HPSE2: variants seen among roughly 807,000 people sequenced by gnomAD.
HPSE2 encodes inactive heparanase-2.
Under a neutral mutation model 60.5 loss-of-function variants are expected in HPSE2, and 38 were observed. That is an observed-to-expected ratio of 0.63 (90% confidence interval 0.48 to 0.82). HPSE2 has a LOEUF of 0.82. Ranked by LOEUF, HPSE2 falls within the 40% of genes least tolerant of loss-of-function variation. The pLI, the probability that HPSE2 is intolerant of heterozygous loss-of-function variation, is 0.00. For synonymous variants in HPSE2, 295 were observed against 293.2 expected, an observed-to-expected ratio of 1.01 and a Z score of -0.06; for missense variants, 713 against 740.4, an observed-to-expected ratio of 0.96 and a Z score of 0.43.
At position 98,474,705 on chromosome 10, in the gene HPSE2, A is replaced by G. The variant is rs376814385; in HGVS notation, c.1613+7931T>C. ...GGCAATAAGATTTTTGGTTCATAGG[A>G]GCCTTGAGATTTTTTTCAGCTAAAG... On this transcript the variant is annotated intron_variant, in intron 11 of 11. Coordinates refer to ENST00000370552, the MANE Select transcript of HPSE2 (RefSeq NM_021828.5). Among the ~76,000 whole-genome samples, 119 of 152,334 alleles carry G rather than the reference A, an allele frequency of 7.8e-4. No individual in the cohort carries two copies. In the East Asian group the frequency reaches 0.017, roughly 22 times the overall value.
intron 2 of HPSE2, among the ~76,000 whole-genome samples, chr10:99,144,724 C>T (rs531192699): frequency 4.6e-5 from 7 of 152,250 alleles, no homozygotes; most frequent in South Asian, 2.1e-4. Flanking sequence ...CATATCTTAC[C>T]GTTTTCCATG....
chr10:98,967,863 A>AGGCT (rs1955852072), intron 3 of HPSE2, among the ~76,000 whole-genome samples: 1 of 130,006 alleles, frequency 7.7e-6, no homozygotes, highest in Non-Finnish European at 1.8e-5. Context: ...AATTGACCAG[A>AGGCT]GGCTACAAGC....
intron 3 of HPSE2, among the ~76,000 whole-genome samples, chr10:98,956,286 A>G (rs1955508023): frequency 6.6e-6 from 1 of 152,170 alleles, no homozygotes; most frequent in South Asian, 2.1e-4. Context: ...ATTTCCAGTC[A>G]TTAAACAAGC....
chr10:99,087,620 G>A (rs1843367923), intron 3 of HPSE2, among the ~76,000 whole-genome samples: 1 of 152,122 alleles, frequency 6.6e-6, no homozygotes, highest in African/African-American at 2.4e-5. Context: ...TAACCGGGTG[G>A]GATCCTGTGT....
At chr10:98,802,695 C>T (rs1950943634) in intron 3 of HPSE2, among the ~76,000 whole-genome samples, 2 of 150,882 alleles carry the variant, frequency 1.3e-5, no homozygotes, top group African/African-American at 4.9e-5. Context: ...GTATATGTGC[C>T]ACATTTTCTT....
At chr10:98,527,693 C>T (rs74832394) in intron 9 of HPSE2, among the ~76,000 whole-genome samples, 1 of 152,126 alleles carries the variant, frequency 6.6e-6, no homozygotes, top group Non-Finnish European at 1.5e-5. Context: ...TGCCCTAGAT[C>T]GACTCTGAGC....
At chr10:98,854,881 GA>G (rs1051415908) in intron 3 of HPSE2, among the ~76,000 whole-genome samples, 15 of 152,136 alleles carry the variant, frequency 9.9e-5, no homozygotes, top group African/African-American at 3.4e-4. Context: ...CTTAAAAAGG[GA>G]AAAAAATTAA....
chr10:98,890,251 A>G (rs1255454084), intron 3 of HPSE2, among the ~76,000 whole-genome samples: 1 of 152,212 alleles, frequency 6.6e-6, no homozygotes, highest in Non-Finnish European at 1.5e-5. Flanking sequence ...TCATTATAAG[A>G]AAAAACAAAG....
rs115235543 is a variant in HPSE2 at position 98,592,288 on chromosome 10, G to A, written c.1320+22616C>T. ...GTATGATTTCATATTCCATAGTTCA[G>A]GGCCTTTCCTCTTGCATCCTCAGGA... On this transcript the variant is annotated intron_variant, in intron 9 of 11. Transcript: ENST00000370552. Among the ~76,000 whole-genome samples the A allele has an allele frequency of 2.1e-3, 323 of 152,286 alleles. 3 individuals carry two copies. Among genetic ancestry groups the A allele is most frequent in the African/African-American group, 7.1e-3 (297 of 41,548 alleles).
At chr10:98,528,017 A>G (rs868304135) in intron 9 of HPSE2, among the ~76,000 whole-genome samples, 17 of 152,222 alleles carry the variant, frequency 1.1e-4, no homozygotes, top group African/African-American at 3.9e-4. Flanking sequence ...ATTCGCGGTC[A>G]GGTGTTCTCT....
At chr10:99,203,883 CAAG>C (rs1268051155) in intron 2 of HPSE2, among the ~76,000 whole-genome samples, 6 of 152,094 alleles carry the variant, frequency 3.9e-5, no homozygotes, top group Non-Finnish European at 8.8e-5. Flanking sequence ...CCACCAGGCC[CAAG>C]GGTCCAGGCC....
chr10:98,480,398 T>C (rs1941189221), intron 11 of HPSE2, among the ~76,000 whole-genome samples: 1 of 152,182 alleles, frequency 6.6e-6, no homozygotes, highest in South Asian at 2.1e-4. Context: ...TCCTACATTC[T>C]TAACAAAGTT....
chr10:98,894,922 A>T (rs1953441380), intron 3 of HPSE2, among the ~76,000 whole-genome samples: 1 of 151,988 alleles, frequency 6.6e-6, no homozygotes, highest in African/African-American at 2.4e-5. Context: ...TTAACATCTG[A>T]CCTCTCAGAA....
At chr10:99,238,487 T>C (rs1463083674), upstream of HPSE2, among the ~76,000 whole-genome samples, 1 of 152,232 alleles carries the variant, frequency 6.6e-6, no homozygotes, top group African/African-American at 2.4e-5. Context: ...GTTTTCTTAA[T>C]TCCTGATGAA....
At chr10:98,941,928 T>G (rs2135156061) in intron 3 of HPSE2, among the ~76,000 whole-genome samples, 1 of 142,084 alleles carries the variant, frequency 7.0e-6, no homozygotes, top group East Asian at 2.0e-4. Flanking sequence ...TAATGCCACA[T>G]ATCTACAGCT....
Position 98,549,432 on chromosome 10 carries a change from G to A in HPSE2, c.1321-59236C>T, listed in dbSNP as rs11189673. Among the ~76,000 whole-genome samples the A allele has an allele frequency of 1.3e-4, 20 of 152,204 alleles. No individual in the cohort carries two copies. The East Asian group carries it at 3.7e-3, about 28-fold the overall frequency. On this transcript the variant is annotated intron_variant, in intron 9 of 11. Coordinates refer to ENST00000370552, the MANE Select transcript of HPSE2 (RefSeq NM_021828.5). ...CTCTTTCCTCTGGCCTCCTTCAGAA[G>A]TTCACTCTAATTCTCTACATCTTAT...
chr10:98,565,492 C>T (rs952219184), intron 9 of HPSE2, among the ~76,000 whole-genome samples: 1 of 152,174 alleles, frequency 6.6e-6, no homozygotes, highest in Non-Finnish European at 1.5e-5. Context: ...CATGTCCTTG[C>T]AAAGGACATG....
chr10:99,142,581 A>C (rs1845899958), intron 3 of HPSE2, among the ~76,000 whole-genome samples: 1 of 152,200 alleles, frequency 6.6e-6, no homozygotes. Flanking sequence ...GCAGCTTAGG[A>C]GAAGTGAGAG....
chr10:98,845,290 G>C (rs1201562998), intron 3 of HPSE2, among the ~76,000 whole-genome samples: 1 of 152,216 alleles, frequency 6.6e-6, no homozygotes, highest in African/African-American at 2.4e-5. Flanking sequence ...TAGTGCTGGA[G>C]GATAGGTGAG....
Sources: allele counts gnomAD v4.1 joint callset (sites outside exome capture counted in the v4.1 genomes callset), GRCh38; gene constraint gnomAD v4.1.1; transcripts MANE v1.5; gene names NCBI Gene and HGNC (gene_info 2026-07-23, HGNC 2026-07-21).